The following MAPK10 variants were observed in gnomAD, a reference collection of about 807,000 sequenced individuals.
MAPK10 encodes the protein mitogen-activated protein kinase 10.
A neutral mutation model predicts 59.3 loss-of-function variants in MAPK10; 25 were observed. The observed-to-expected ratio is 0.42, with a 90% CI of 0.31 to 0.59. The LOEUF (loss-of-function observed/expected upper bound fraction) is 0.59. MAPK10 is among the 20% of genes least tolerant of loss of function. The pLI, the probability that MAPK10 is intolerant of heterozygous loss-of-function variation, is 0.15. For missense variants in MAPK10, 351 were observed against 568.9 expected, an observed-to-expected ratio of 0.62 and a Z score of 3.90; for synonymous variants, 190 against 200.5, an observed-to-expected ratio of 0.95 and a Z score of 0.44.
At chr4:86,271,602 T>C (rs1159454289) in intron 2 of MAPK10, among the ~76,000 whole-genome samples, 2 of 151,952 alleles carry the variant, frequency 1.3e-5, no homozygotes, top group African/African-American at 4.8e-5. Context: ...AATAAAGACA[T>C]ACCCTAAACT....
intron 1 of MAPK10, among the ~76,000 whole-genome samples, chr4:86,590,984 G>A (rs1237135344): frequency 6.6e-6 from 1 of 152,140 alleles, no homozygotes; most frequent in East Asian, 1.9e-4. Context: ...TGTTGCCCAA[G>A]CTAGCATGCA....
chr4:86,339,533 TAAC>T (rs1723626690), intron 2 of MAPK10, among the ~76,000 whole-genome samples: 2 of 152,256 alleles, frequency 1.3e-5, no homozygotes. Context: ...GTCATTAGCC[TAAC>T]AGTCTAATTT....
At chr4:86,376,270 A>C (rs1008008221) in intron 1 of MAPK10, among the ~76,000 whole-genome samples, 2 of 152,212 alleles carry the variant, frequency 1.3e-5, no homozygotes, top group Admixed American at 1.3e-4. Context: ...GAATATCAAA[A>C]ACAAAACATA....
chr4:86,292,419 A>G (rs2095253314), intron 2 of MAPK10, among the ~76,000 whole-genome samples: 1 of 152,182 alleles, frequency 6.6e-6, no homozygotes, highest in Non-Finnish European at 1.5e-5. Flanking sequence ...TATCAACTGT[A>G]TCCGTGGTAT....
intron 2 of MAPK10, among the ~76,000 whole-genome samples, chr4:86,257,783 C>T (rs1489432820): frequency 1.3e-5 from 2 of 152,166 alleles, no homozygotes; most frequent in South Asian, 2.1e-4. Context: ...TCCTCACACA[C>T]ATTCCATGCC....
chr4:86,097,426 CA>C (rs1268337343), intron 9 of MAPK10, among the ~76,000 whole-genome samples: 2 of 151,910 alleles, frequency 1.3e-5, no homozygotes, highest in African/African-American at 4.8e-5. Flanking sequence ...ACTTTTTAAA[CA>C]CCTCAATAAA....
intron 1 of MAPK10, among the ~76,000 whole-genome samples, chr4:86,450,723 C>A (rs1750601384): frequency 6.6e-6 from 1 of 152,192 alleles, no homozygotes; most frequent in Non-Finnish European, 1.5e-5. Flanking sequence ...TGAACACTTA[C>A]AACCCAGCAT....
chr4:86,338,960 A>G (rs897519963), intron 2 of MAPK10, among the ~76,000 whole-genome samples: 2 of 102,752 alleles, frequency 1.9e-5, no homozygotes, highest in South Asian at 1.1e-3. Flanking sequence ...CTACATACCC[A>G]TTTTGTAGAT....
At chr4:86,226,133 G>A (rs937431246) in intron 2 of MAPK10, among the ~76,000 whole-genome samples, 2 of 152,162 alleles carry the variant, frequency 1.3e-5, no homozygotes, top group Admixed American at 1.3e-4. Flanking sequence ...CTTGCATAGG[G>A]ATTTCTGGCT....
intron 1 of MAPK10, among the ~76,000 whole-genome samples, chr4:86,515,736 A>T (rs746557960): frequency 6.6e-6 from 1 of 152,036 alleles, no homozygotes; most frequent in Non-Finnish European, 1.5e-5. Context: ...TCTGGGTATT[A>T]GTCCTTTGTC....
intron 2 of MAPK10, among the ~76,000 whole-genome samples, chr4:86,278,741 T>C (rs1246592808): frequency 6.6e-6 from 1 of 152,144 alleles, no homozygotes; most frequent in Non-Finnish European, 1.5e-5. Context: ...CCTGATAGAA[T>C]ACACAGGAAA....
chr4:86,456,957 C>A (rs183004527), upstream of MAPK10, among the ~76,000 whole-genome samples: 348 of 152,246 alleles, frequency 2.3e-3, 3 homozygotes, highest in African/African-American at 7.9e-3. Flanking sequence ...AGATAATCTA[C>A]CATGATCAAG....
At chr4:86,579,927 C>T (rs1762151038) in intron 1 of MAPK10, among the ~76,000 whole-genome samples, 1 of 152,074 alleles carries the variant, frequency 6.6e-6, no homozygotes, top group African/African-American at 2.4e-5. Flanking sequence ...GATCCTCCCA[C>T]CTCAGCCTCC....
intron 3 of MAPK10, among the ~76,000 whole-genome samples, chr4:86,186,043 C>T (rs573568262): frequency 6.6e-6 from 1 of 152,058 alleles, no homozygotes; most frequent in African/African-American, 2.4e-5. Flanking sequence ...TCAGTGGGAG[C>T]ACTAGAAAGT....
chr4:86,271,061 G>A lies in MAPK10; in HGVS notation c.-6-76654C>T, dbSNP rs139318041. Among the ~76,000 whole-genome samples, 682 of 152,172 alleles carry A rather than the reference G, an allele frequency of 4.5e-3. 4 individuals carry two copies. Among genetic ancestry groups the A allele is most frequent in the Non-Finnish European group, 8.3e-3 (567 of 67,972 alleles). On this transcript the variant is annotated intron_variant, in intron 2 of 13. Coordinates refer to ENST00000641462, the MANE Select transcript of MAPK10 (RefSeq NM_138982.4). ...TAGGAGTAAAATTCCTGGAGCAGAG[G>A]TAGGTAAATGTTAATTTAATAATAA...
At chr4:86,519,703 G>C (rs55982489) in intron 1 of MAPK10, among the ~76,000 whole-genome samples, 1 of 151,880 alleles carries the variant, frequency 6.6e-6, no homozygotes, top group Non-Finnish European at 1.5e-5. Flanking sequence ...TTATTGTTTT[G>C]TACGTCTTGT....
chr4:86,340,906 G>A (rs1245495971), intron 2 of MAPK10, among the ~76,000 whole-genome samples: 4 of 152,052 alleles, frequency 2.6e-5, no homozygotes, highest in Admixed American at 1.3e-4. Context: ...CTACTAGCAG[G>A]CATTTTCAAT....
intron 2 of MAPK10, among the ~76,000 whole-genome samples, chr4:86,246,305 C>T (rs1044758619): frequency 7.2e-5 from 11 of 151,992 alleles, no homozygotes; most frequent in African/African-American, 2.7e-4. Flanking sequence ...GTGGTGGGTA[C>T]CTGTGGTCCC....
At chr4:86,022,878 C>T (rs1384182103) in intron 13 of MAPK10, among the ~76,000 whole-genome samples, 1 of 152,136 alleles carries the variant, frequency 6.6e-6, no homozygotes, top group Non-Finnish European at 1.5e-5. Context: ...TGTTTTTCCT[C>T]TATGCTATGG....
Sources: gnomAD v4.1 joint callset for allele counts (sites outside exome capture counted in the v4.1 genomes callset) on GRCh38, gnomAD v4.1.1 for gene constraint, MANE v1.5 for transcripts, NCBI Gene and HGNC (gene_info 2026-07-23, HGNC 2026-07-21) for gene names.